The following ERBB4 variants were observed in gnomAD, a reference collection of about 807,000 sequenced individuals.
ERBB4 encodes erb-b2 receptor tyrosine kinase 4.
In ERBB4, 42 loss-of-function variants were observed where a neutral mutation model predicts 158.0. The observed-to-expected ratio is 0.27, with a 90% CI of 0.21 to 0.34. The LOEUF (loss-of-function observed/expected upper bound fraction) is 0.34, where lower values mean the gene tolerates loss of function less well. Ranked by LOEUF, ERBB4 falls within the 10% of genes least tolerant of loss-of-function variation. The pLI is 1.00. For synonymous variants in ERBB4, 583 were observed against 558.7 expected, an observed-to-expected ratio of 1.04 and a Z score of -0.61; for missense variants, 1,333 against 1,624.1, an observed-to-expected ratio of 0.82 and a Z score of 3.08.
chr2:212,178,774 G>T (rs1221828637), intron 1 of ERBB4, among the ~76,000 whole-genome samples: 2 of 151,524 alleles, frequency 1.3e-5, no homozygotes, highest in African/African-American at 4.8e-5. Flanking sequence ...ATATTTGTTT[G>T]TTCGCTTTAT....
rs1559561199 is a variant in ERBB4, at chr2:212,133,416, TGTTTTTG to T, written c.83-8520_83-8514del. Among the ~76,000 whole-genome samples, 490 of 145,666 alleles carry T rather than the reference TGTTTTTG, an allele frequency of 3.4e-3. 9 individuals carry two copies. The highest frequency in any genetic ancestry group is 0.013 in the African/African-American group (464 of 36,650). ...TTGGTGTTTTTTTTTTGTTTTGTTT[TGTTTTTG>T]TTTTTTTTTTTGCTATGTGAATTTA... is the stretch of plus-strand genomic sequence containing the variant. On this transcript the variant is annotated intron_variant, in intron 1 of 27. Transcript: ENST00000342788.
At chr2:212,506,403 A>G (rs546368942) in intron 1 of ERBB4, among the ~76,000 whole-genome samples, 1 of 151,972 alleles carries the variant, frequency 6.6e-6, no homozygotes, top group South Asian at 2.1e-4. Context: ...TTAGCAAGGA[A>G]GGCATATCAA....
chr2:211,929,625 C>A (rs904685018), intron 3 of ERBB4, among the ~76,000 whole-genome samples: 1 of 151,986 alleles, frequency 6.6e-6, no homozygotes, highest in East Asian at 1.9e-4. Flanking sequence ...GAGTTCCATA[C>A]GGTTTTCTGT....
intron 5 of ERBB4, among the ~76,000 whole-genome samples, chr2:211,738,361 GTTTTTTTT>G (rs10535592): frequency 3.0e-5 from 4 of 135,342 alleles, no homozygotes; most frequent in Non-Finnish European, 4.9e-5. Context: ...CTTTGTTTTT[GTTTTTTTT>G]TTTTTTTTTT....
intron 1 of ERBB4, among the ~76,000 whole-genome samples, chr2:212,259,860 A>G (rs1167414044): frequency 6.6e-6 from 1 of 152,152 alleles, no homozygotes; most frequent in Non-Finnish European, 1.5e-5. Context: ...ACCTGAGGTC[A>G]GGAGTTAGAC....
At chr2:211,880,222 A>T (rs1244017895) in intron 3 of ERBB4, among the ~76,000 whole-genome samples, 2 of 152,096 alleles carry the variant, frequency 1.3e-5, no homozygotes, top group African/African-American at 4.8e-5. Context: ...CTTTAACAGT[A>T]GGTTTTGCTC....
intron 1 of ERBB4, among the ~76,000 whole-genome samples, chr2:212,275,147 C>T (rs2085482207): frequency 6.6e-6 from 1 of 151,896 alleles, no homozygotes; most frequent in South Asian, 2.1e-4. Context: ...GAACATGTGC[C>T]AAATTTTCTT....
chr2:212,316,166 T>C (rs2087268092), intron 1 of ERBB4, among the ~76,000 whole-genome samples: 1 of 151,502 alleles, frequency 6.6e-6, no homozygotes, highest in Non-Finnish European at 1.5e-5. Flanking sequence ...TATCTTTTAC[T>C]ACTTTTCTCC....
chr2:212,521,411 A>C (rs1002291466), intron 1 of ERBB4, among the ~76,000 whole-genome samples: 3 of 151,934 alleles, frequency 2.0e-5, no homozygotes, highest in Non-Finnish European at 2.9e-5. Context: ...CATGTGTACA[A>C]TAATTCTATA....
intron 20 of ERBB4, 149 bp from the exon 21 acceptor site, chr2:211,431,249 C>T (rs544606163): frequency 1.4e-6 from 1 of 703,378 alleles, no homozygotes; most frequent in South Asian, 1.8e-5. Context: ...TAGAGAAAAC[C>T]TGATTTGGGG....
chr2:211,502,801 C>CA (rs1295371076), intron 20 of ERBB4, among the ~76,000 whole-genome samples: 1 of 152,106 alleles, frequency 6.6e-6, no homozygotes, highest in Non-Finnish European at 1.5e-5. Flanking sequence ...TGGAGTTTCT[C>CA]AGGCATATTT....
chr2:211,876,168 C>CA lies in ERBB4; in HGVS notation c.421+71261dup, dbSNP rs142429961. ...TCAATTTTTGATCAAGAAAAGTAGTCAAAAAATTAATAGCATCACATTTTG... is the reference window on the plus strand; with the variant it reads ...TCAATTTTTGATCAAGAAAAGTAGTCAAAAAAATTAATAGCATCACATTTTG... On this transcript the variant is annotated intron_variant, in intron 3 of 27. Coordinates refer to ENST00000342788, the MANE Select transcript of ERBB4 (RefSeq NM_005235.3). Among the ~76,000 whole-genome samples, 701 of 152,172 alleles carry CA rather than the reference C, an allele frequency of 4.6e-3. 4 individuals carry two copies. The highest frequency in any genetic ancestry group is 0.016 in the African/African-American group (675 of 41,528).
At chr2:212,503,061 T>C (rs1307987371) in intron 1 of ERBB4, among the ~76,000 whole-genome samples, 1 of 152,146 alleles carries the variant, frequency 6.6e-6, no homozygotes, top group Non-Finnish European at 1.5e-5. Context: ...CCATTCTTTT[T>C]CCCCCATTTG....
intron 20 of ERBB4, among the ~76,000 whole-genome samples, chr2:211,532,687 C>G (rs10197225): frequency 0.53 from 80,907 of 151,454 alleles, 22,249 homozygotes; most frequent in East Asian, 0.72. Flanking sequence ...ACAAGACGTC[C>G]GGAAATGACA....
At chr2:212,235,129 A>T (rs752271812) in intron 1 of ERBB4, among the ~76,000 whole-genome samples, 1 of 152,114 alleles carries the variant, frequency 6.6e-6, no homozygotes, top group African/African-American at 2.4e-5. Flanking sequence ...TAAGTCGTTA[A>T]TCCATCTTGA....
chr2:211,558,532 A>G (rs951122103), intron 20 of ERBB4, among the ~76,000 whole-genome samples: 1 of 152,212 alleles, frequency 6.6e-6, no homozygotes, highest in Non-Finnish European at 1.5e-5. Flanking sequence ...ATGTATTAGC[A>G]TCTTTGAGGG....
chr2:212,315,118 T>A (rs1384360825), intron 1 of ERBB4, among the ~76,000 whole-genome samples: 2 of 151,484 alleles, frequency 1.3e-5, no homozygotes, highest in East Asian at 2.0e-4. Flanking sequence ...AAAATGGGTA[T>A]CAGCTACAAG....
intron 3 of ERBB4, among the ~76,000 whole-genome samples, chr2:211,903,941 A>G (rs2125039154): frequency 6.6e-6 from 1 of 152,078 alleles, no homozygotes; most frequent in East Asian, 1.9e-4. Flanking sequence ...ACAGATTTTA[A>G]ATTGCTAGAA....
chr2:212,451,655 A>G (rs934056421), intron 1 of ERBB4, among the ~76,000 whole-genome samples: 4 of 152,198 alleles, frequency 2.6e-5, no homozygotes, highest in Non-Finnish European at 4.4e-5. Flanking sequence ...TGCTACACAA[A>G]TAAATTATAG....
Sources: gnomAD v4.1 joint callset for allele counts (sites outside exome capture counted in the v4.1 genomes callset) on GRCh38, gnomAD v4.1.1 for gene constraint, MANE v1.5 for transcripts, NCBI Gene and HGNC (gene_info 2026-07-23, HGNC 2026-07-21) for gene names.